The following POR variants were observed in gnomAD, a reference collection of about 807,000 sequenced individuals.
POR encodes the protein NADPH--cytochrome P450 reductase.
Under a neutral mutation model 84.0 loss-of-function variants are expected in POR, and 56 were observed. The observed-to-expected ratio is 0.67, with a 90% CI of 0.54 to 0.83. The LOEUF is 0.83. Among genes scored for constraint, POR ranks in the 40% least tolerant of loss-of-function variants. POR has a pLI of 0.00. For synonymous variants in POR, 414 were observed against 400.5 expected (o/e 1.03, Z -0.40); for missense variants, 938 against 944.3 (o/e 0.99, Z 0.09).
chr7:75,938,561 C>T (rs1490111757), intron 1 of POR, among the ~76,000 whole-genome samples: 5 of 152,048 alleles, frequency 3.3e-5, no homozygotes, highest in African/African-American at 1.2e-4. Flanking sequence ...AGTTTGAGAC[C>T]AGCCTGGGCA....
intron 1 of POR, among the ~76,000 whole-genome samples, chr7:75,922,319 GTTT>G (rs1223302280): frequency 7.2e-5 from 9 of 125,652 alleles, no homozygotes; most frequent in Admixed American, 1.6e-4. Flanking sequence ...CTGATCTGTA[GTTT>G]TTTTTTTTTT....
chr7:75,950,106 G>A (rs1171163242), intron 1 of POR, among the ~76,000 whole-genome samples: 2 of 150,304 alleles, frequency 1.3e-5, no homozygotes, highest in African/African-American at 2.4e-5. Context: ...TCCTGACCTC[G>A]TGATCCACCC....
At chr7:75,959,601 A>T (rs1787844953) in intron 2 of POR, among the ~76,000 whole-genome samples, 1 of 152,146 alleles carries the variant, frequency 6.6e-6, no homozygotes, top group South Asian at 2.1e-4. Context: ...GATTACAGGC[A>T]CCCACCATGA....
intron 2 of POR, among the ~76,000 whole-genome samples, chr7:75,967,634 A>G (rs1012490876): frequency 2.0e-5 from 3 of 146,798 alleles, no homozygotes; most frequent in Non-Finnish European, 3.0e-5. Context: ...TGTTCCGCAG[A>G]CATGACTTCC....
At chr7:75,945,113 T>G (rs782635791) in intron 1 of POR, among the ~76,000 whole-genome samples, 1 of 152,010 alleles carries the variant, frequency 6.6e-6, no homozygotes, top group African/African-American at 2.4e-5. Context: ...AAACCCTGTC[T>G]CTACTAAAAA....
chr7:75,983,178 T>G, intron 8 of POR: 1 of 224,642 alleles, frequency 4.5e-6, no homozygotes, highest in Non-Finnish European at 8.8e-6. Flanking sequence ...CCGTCTCTAG[T>G]AAAAATATAA....
In POR at chr7:75,948,445, G is replaced by A. The variant is rs76016192; in HGVS notation, c.-4-5544G>A. 4.5e-3 allele frequency among the ~76,000 whole-genome samples: 682 copies of A among 152,266 alleles called. 3 individuals are homozygous for A. The highest frequency in any genetic ancestry group is 0.014 in the Middle Eastern group (4 of 294). On this transcript the variant is annotated intron_variant, in intron 1 of 15. Transcript: ENST00000461988. ...GGAGCAGCTCCTGTTCGTTTCCTTC[G>A]TTTTGCGTGTTAGTTTCCTTACAGG...
intron 2 of POR, among the ~76,000 whole-genome samples, chr7:75,965,913 G>A (rs563486747): frequency 3.3e-5 from 5 of 152,238 alleles, no homozygotes; most frequent in East Asian, 1.9e-4. Flanking sequence ...CTGCCTGAAC[G>A]TGCCCGGGGC....
At chr7:75,920,056 CTTT>C (rs71519397) in intron 1 of POR, among the ~76,000 whole-genome samples, 2,961 of 76,000 alleles carry the variant, frequency 0.039, 41 homozygotes, top group African/African-American at 0.16. Context: ...AGTTGAATTT[CTTT>C]TTTTTTTTTT....
chr7:75,977,867 A>G (rs1554557062), intron 3 of POR, among the ~76,000 whole-genome samples: 1 of 152,238 alleles, frequency 6.6e-6, no homozygotes, highest in African/African-American at 2.4e-5. Flanking sequence ...CATGTGCATG[A>G]GGGGCCAGGA....
intron 1 of POR, among the ~76,000 whole-genome samples, chr7:75,924,706 C>T (rs1554549256): frequency 6.6e-6 from 1 of 151,810 alleles, no homozygotes; most frequent in Non-Finnish European, 1.5e-5. Context: ...ACCCCCATCT[C>T]AAAATATACA....
intron 2 of POR, among the ~76,000 whole-genome samples, chr7:75,966,025 G>A (rs1554555201): frequency 6.6e-6 from 1 of 152,142 alleles, no homozygotes; most frequent in Non-Finnish European, 1.5e-5. Context: ...TCACAGGCCT[G>A]GAGTTGAATT....
intron 2 of POR, chr7:75,967,812 T>G (rs1788252016): frequency 2.9e-6 from 1 of 340,766 alleles, no homozygotes; most frequent in Non-Finnish European, 5.9e-6. Context: ...GGCTTCACTC[T>G]GGAATCCTGA....
intron 1 of POR, among the ~76,000 whole-genome samples, chr7:75,935,632 T>C (rs1272852228): frequency 2.1e-5 from 2 of 97,076 alleles, no homozygotes; most frequent in African/African-American, 1.6e-4. Flanking sequence ...TGTGTGTGTG[T>C]GTGTGTGTGT....
At chr7:75,980,781 A>C in intron 5 of POR, 1 of 1,392,252 alleles carries the variant, frequency 7.2e-7, no homozygotes, top group South Asian at 1.4e-5. Flanking sequence ...CTGGAGCCCC[A>C]GCCCGGTGGG....
At chr7:75,919,765 C>T (rs186363356) in intron 1 of POR, among the ~76,000 whole-genome samples, 5 of 152,162 alleles carry the variant, frequency 3.3e-5, no homozygotes, top group South Asian at 2.1e-4. Context: ...AACAAAGCCC[C>T]GGGGAACCTG....
intron 1 of POR, among the ~76,000 whole-genome samples, chr7:75,947,774 G>A (rs1430741825): frequency 3.3e-5 from 5 of 152,104 alleles, no homozygotes; most frequent in African/African-American, 1.2e-4. Flanking sequence ...TCTGAAGAAT[G>A]AGTACGAAGC....
chr7:75,954,663 C>T (rs1787602704), intron 2 of POR, among the ~76,000 whole-genome samples: 1 of 151,880 alleles, frequency 6.6e-6, no homozygotes, highest in Admixed American at 6.6e-5. Flanking sequence ...CCTCAGCCTC[C>T]CGAGTAGCTG....
At chr7:75,952,701 C>G (rs1340466594) in intron 1 of POR, among the ~76,000 whole-genome samples, 1 of 148,294 alleles carries the variant, frequency 6.7e-6, no homozygotes, top group Non-Finnish European at 1.5e-5. Context: ...GGGGCAGAGG[C>G]GCTCCCCACA....
Sources: allele counts gnomAD v4.1 joint callset (sites outside exome capture counted in the v4.1 genomes callset), GRCh38; gene constraint gnomAD v4.1.1; transcripts MANE v1.5; gene names NCBI Gene and HGNC (gene_info 2026-07-23, HGNC 2026-07-21).